DENND4C: variants seen among roughly 807,000 people sequenced by gnomAD.
DENND4C encodes DENN domain containing 4C.
Under a neutral mutation model 203.0 loss-of-function variants are expected in DENND4C, and 108 were observed. The ratio of observed to expected loss-of-function variants is 0.53; its 90% CI spans 0.46 to 0.62. The LOEUF is 0.62. Among genes scored for constraint, DENND4C ranks in the 20% least tolerant of loss-of-function variants. The pLI is 0.00. For missense variants in DENND4C, 2,481 were observed against 2,301.2 expected, an observed-to-expected ratio of 1.08 and a Z score of -1.60; for synonymous variants, 871 against 792.4, an observed-to-expected ratio of 1.10 and a Z score of -1.67.
Position 19,358,193 on chromosome 9 carries a change from G to T in DENND4C, c.5160+33G>T. ...ACAACAACAACATTGTAATTATACT[G>T]CATACACACCTAAGTATATAGTAGA... On this transcript the variant is annotated intron_variant, in intron 28 of 32. Transcript: ENST00000434457. This position sits in a 1 kb window ranked among gnomAD's most constrained non-coding sequence, Gnocchi z 4.8. 1 of 1,539,238 alleles carries T rather than the reference G, an allele frequency of 6.5e-7. No individual in the cohort carries two copies. Among genetic ancestry groups the T allele is most frequent in the Non-Finnish European group, 9.0e-7 (1 of 1,115,888 alleles).
At chr9:19,238,683 C>T (rs1273081665) in intron 1 of DENND4C, among the ~76,000 whole-genome samples, 13 of 116,238 alleles carry the variant, frequency 1.1e-4, no homozygotes, top group African/African-American at 3.3e-4. Flanking sequence ...GACAGAATTT[C>T]GCTCTTGTGG....
intron 21 of DENND4C, among the ~76,000 whole-genome samples, 197 bp downstream of exon 21, chr9:19,341,311 C>CT (rs5896841): frequency 0.024 from 2,920 of 120,136 alleles, 60 homozygotes; most frequent in African/African-American, 0.055. Flanking sequence ...TTCTTTCTTT[C>CT]TTTTTTTTTT....
At chr9:19,239,210 C>G (rs914446716) in intron 1 of DENND4C, among the ~76,000 whole-genome samples, 8 of 152,034 alleles carry the variant, frequency 5.3e-5, no homozygotes, top group Non-Finnish European at 8.8e-5. Flanking sequence ...TTAGAACTCT[C>G]TTATTTTCTA....
At position 19,372,142 on chromosome 9, in the gene DENND4C, G is replaced by A. The variant is rs1828958304; in HGVS notation, c.5846G>A (p.Cys1949Tyr). 2 of 1,613,766 alleles carry A rather than the reference G, an allele frequency of 1.2e-6. No individual in the cohort carries two copies. The highest frequency in any genetic ancestry group is 1.7e-6 in the Non-Finnish European group (2 of 1,179,868). The change falls in exon 33 of 33, where the codon TGC becomes TAC. Residue 1949 changes from cysteine to tyrosine, a missense_variant. This residue lies in a region of DENND4C where 2,289 missense variants were observed against 2,113.3 expected (regional missense o/e 1.08). Transcript: ENST00000434457. ...DAPPSASVEW[C>Y]RKCFGAPLI The stretch of plus-strand genomic sequence containing the variant: ...CCACCAAGTGCCAGTGTCGAGTGGT[G>A]CAGGAAGTGTTTTGGAGCGCCTCTC...
chr9:19,291,812 A>G (rs1836375333), intron 5 of DENND4C, among the ~76,000 whole-genome samples: 1 of 152,124 alleles, frequency 6.6e-6, no homozygotes, highest in Non-Finnish European at 1.5e-5. Flanking sequence ...AAAACATAAA[A>G]GGAGTTTTAA....
chr9:19,269,357 C>G (rs916949905), intron 1 of DENND4C, among the ~76,000 whole-genome samples: 1 of 152,146 alleles, frequency 6.6e-6, no homozygotes, highest in Admixed American at 6.6e-5. Flanking sequence ...CAGGGTTTCA[C>G]CACGTTGGCC....
rs988230028 is a variant in DENND4C, at chr9:19,345,924, G to A, written c.3155G>A (p.Ser1052Asn). The A allele has an allele frequency of 4.4e-6, 7 of 1,604,850 alleles. No individual in the cohort carries two copies. Among genetic ancestry groups the A allele is most frequent in the African/African-American group, 1.3e-5 (1 of 74,432 alleles). The change falls in exon 23 of 33, where the codon AGT becomes AAT. Residue 1052 changes from serine (S) to asparagine (N), a missense_variant. This residue lies in a region of DENND4C where 2,289 missense variants were observed against 2,113.3 expected (regional missense o/e 1.08). Coordinates refer to ENST00000434457, the MANE Select transcript of DENND4C (RefSeq NM_001330640.2). The part of the protein sequence containing the change: ...DVNSRKSSTG[S>N]ISNVLFSTQD... The stretch of plus-strand genomic sequence containing the variant: ...AATATTTTACTTTCCCTTTTAGGTA[G>A]TATATCAAATGTGCTGTTTTCTACT...
rs1240040009 is a variant in DENND4C at position 19,346,311 on chromosome 9, T to G, written c.3542T>G (p.Leu1181Arg). 1.9e-6 allele frequency: 3 copies of G among 1,614,154 alleles called. No homozygotes were observed. Among genetic ancestry groups the G allele is most frequent in the Middle Eastern group, 1.6e-4 (1 of 6,062 alleles). Residue 1181 changes from leucine (L) to arginine (R), a missense_variant, in exon 23 of 33, where the codon CTT becomes CGT. Physicochemically the swap from Leu to Arg is moderately radical, Grantham distance 102. Coordinates refer to ENST00000434457, the MANE Select transcript of DENND4C (RefSeq NM_001330640.2). ...EHRSSPVPEM[L>R]EESQELLEPV... is the part of the protein sequence containing the mutation. ...AGATCATCTCCGGTGCCAGAGATGC[T>G]TGAGGAAAGCCAAGAACTCCTTGAG...
intron 1 of DENND4C, among the ~76,000 whole-genome samples, chr9:19,235,584 A>G (rs1821746129): frequency 1.4e-5 from 2 of 145,748 alleles, no homozygotes; most frequent in African/African-American, 2.5e-5. Flanking sequence ...CAGATTTATT[A>G]TCTGTTGGTT....
chr9:19,258,538 T>C (rs1158550297), intron 1 of DENND4C, among the ~76,000 whole-genome samples: 1 of 152,232 alleles, frequency 6.6e-6, no homozygotes, highest in Non-Finnish European at 1.5e-5. Context: ...GATTGATCTA[T>C]AACTTGAAAA....
Position 19,230,701 on chromosome 9 carries a change from C to G in DENND4C, c.-150C>G, listed in dbSNP as rs1820278288. On this transcript the variant is annotated 5_prime_UTR_variant, in exon 1 of 33. Transcript: ENST00000434457. ...CGAGGCGGCGCAGGCGCAGACCGGACTGAGGCGGCGGCGGCCGCTGGAGCT... is the reference window on the plus strand; with the variant it reads ...CGAGGCGGCGCAGGCGCAGACCGGAGTGAGGCGGCGGCGGCCGCTGGAGCT... The G allele has an allele frequency of 6.6e-6, 1 of 152,182 alleles. No homozygotes were observed. The highest frequency in any genetic ancestry group is 6.5e-5 in the Admixed American group (1 of 15,286). 9.4% of individuals were successfully genotyped at this position (152,182 alleles called of 1,614,324 possible).
chr9:19,255,736 G>C (rs114285509), intron 1 of DENND4C, among the ~76,000 whole-genome samples: 1 of 152,114 alleles, frequency 6.6e-6, no homozygotes, highest in African/African-American at 2.4e-5. Flanking sequence ...AAAACTGATA[G>C]ACTGAAAGGA....
rs1564105379 is a variant in DENND4C at position 19,271,201 on chromosome 9, C to CCTTTTTTTTTTTT, written c.-17-4957_-17-4956insCTTTTTTTTTTTT. Among the ~76,000 whole-genome samples the CCTTTTTTTTTTTT allele has an allele frequency of 1.5e-5, 2 of 129,082 alleles. 1 individual carries two copies. 84.7% of individuals were successfully genotyped at this position (129,082 alleles called of 152,430 possible). A position where few individuals can be genotyped will look rare whatever the true frequency, so the allele number is the denominator to read the frequency against. On this transcript the variant is annotated intron_variant, in intron 1 of 32. Transcript: ENST00000434457. ...TTTTAGGTAAAAATTAATATGGATT[C>CCTTTTTTTTTTTT]TTTTTTTTTTTTTTTTTTGAGACAG...
intron 12 of DENND4C, among the ~76,000 whole-genome samples, chr9:19,320,955 G>A (rs1252218595): frequency 6.6e-6 from 1 of 152,182 alleles, no homozygotes; most frequent in Non-Finnish European, 1.5e-5. Context: ...TGGCAGTCAG[G>A]ACCACAGCAT....
intron 1 of DENND4C, among the ~76,000 whole-genome samples, chr9:19,237,090 G>A (rs774043088): frequency 2.3e-4 from 35 of 151,976 alleles, no homozygotes; most frequent in Non-Finnish European, 4.9e-4. Flanking sequence ...GCACGATCTC[G>A]GCTCACTGCA....
At chr9:19,355,058 C>T (rs1397120802) in intron 26 of DENND4C, among the ~76,000 whole-genome samples, 4 of 151,796 alleles carry the variant, frequency 2.6e-5, no homozygotes, top group Non-Finnish European at 5.9e-5. Context: ...TACAGGCACC[C>T]ACCACCACGC....
At chr9:19,297,947 A>G (rs1448807229) in intron 6 of DENND4C, 109 bp from the exon 7 acceptor site, 6 of 795,220 alleles carry the variant, frequency 7.5e-6, no homozygotes, top group Non-Finnish European at 1.1e-5. Context: ...TTTTAGATAA[A>G]TGGCCATGTC....
chr9:19,347,496 G>C (rs1257400775), intron 23 of DENND4C, among the ~76,000 whole-genome samples: 1 of 152,166 alleles, frequency 6.6e-6, no homozygotes, highest in Non-Finnish European at 1.5e-5. Context: ...TCTATCTGTA[G>C]TCTATTTTGT....
In DENND4C at chr9:19,288,761, T is replaced by C. The variant is rs573052521; in HGVS notation, c.628+96T>C. On this transcript the variant is annotated intron_variant, in intron 4 of 32. Transcript: ENST00000434457. ...ATAAAGTATGCTCCCTTACATAGTT[T>C]GTAGAATTGATCTATTCATAAAATT... The C allele has an allele frequency of 6.9e-6, 4 of 579,744 alleles. No individual in the cohort carries two copies. In the East Asian group the frequency reaches 1.1e-4, roughly 15 times the overall value. 35.9% of individuals were successfully genotyped at this position (579,744 alleles called of 1,614,324 possible). A position where few individuals can be genotyped will look rare whatever the true frequency, so the allele number is the denominator to read the frequency against.
Sources: gnomAD v4.1 joint callset for allele counts (sites outside exome capture counted in the v4.1 genomes callset) on GRCh38, gnomAD v4.1.1 for gene constraint, gnomAD v4.1.1 regional missense constraint, Gnocchi (gnomAD v3.1) non-coding constraint, MANE v1.5 for transcripts, NCBI Gene and HGNC (gene_info 2026-07-23, HGNC 2026-07-21) for gene names.